The following FRMD5 variants were observed in gnomAD, a reference collection of about 807,000 sequenced individuals.
FRMD5 encodes the protein FERM domain containing 5.
In FRMD5, 20 loss-of-function variants were observed where a neutral mutation model predicts 69.0. The observed-to-expected ratio is 0.29, with a 90% CI of 0.20 to 0.42. The LOEUF (loss-of-function observed/expected upper bound fraction) is 0.42, where lower values mean the gene tolerates loss of function less well. Ranked by LOEUF, FRMD5 falls within the 10% of genes least tolerant of loss-of-function variation. The pLI is 1.00. For missense variants in FRMD5, 595 were observed against 708.6 expected, an observed-to-expected ratio of 0.84 and a Z score of 1.82; for synonymous variants, 271 against 260.1, an observed-to-expected ratio of 1.04 and a Z score of -0.40.
intron 1 of FRMD5, chr15:43,989,699 G>A: frequency 6.0e-6 from 6 of 998,948 alleles, no homozygotes; most frequent in Non-Finnish European, 8.0e-6. Flanking sequence ...GATGGGCACA[G>A]TGTGGGTGAC....
At chr15:43,913,313 G>A (rs886877342) in intron 4 of FRMD5, among the ~76,000 whole-genome samples, 2 of 152,196 alleles carry the variant, frequency 1.3e-5, no homozygotes, top group African/African-American at 4.8e-5. Context: ...AAACTAGATG[G>A]GAAGAGGGAA....
chr15:44,018,442 A>T (rs1891066776), intron 1 of FRMD5, among the ~76,000 whole-genome samples: 1 of 152,220 alleles, frequency 6.6e-6, no homozygotes, highest in African/African-American at 2.4e-5. Context: ...AAGTTTGGGC[A>T]TGTGAGTAAT....
At chr15:44,028,534 C>T (rs1465399262) in intron 1 of FRMD5, among the ~76,000 whole-genome samples, 2 of 152,206 alleles carry the variant, frequency 1.3e-5, no homozygotes, top group Non-Finnish European at 2.9e-5. Flanking sequence ...AGCGTTGTAG[C>T]AGGTCTGGTA....
At chr15:44,181,659 T>C (rs1256306939) in intron 1 of FRMD5, among the ~76,000 whole-genome samples, 1 of 152,154 alleles carries the variant, frequency 6.6e-6, no homozygotes, top group East Asian at 1.9e-4. Context: ...CCCAGCACTT[T>C]GGGATGTTGA....
intron 1 of FRMD5, among the ~76,000 whole-genome samples, chr15:44,120,075 T>C (rs967953727): frequency 3.9e-5 from 6 of 152,158 alleles, no homozygotes; most frequent in African/African-American, 1.4e-4. Context: ...TCAGGGAATG[T>C]CAAGACATAC....
chr15:44,155,467 C>G (rs2077512339), intron 1 of FRMD5, among the ~76,000 whole-genome samples: 2 of 151,872 alleles, frequency 1.3e-5, no homozygotes, highest in Admixed American at 1.3e-4. Flanking sequence ...TATAGTCACT[C>G]TGGAAACTTA....
chr15:44,108,065 G>C (rs1231549277), intron 1 of FRMD5, among the ~76,000 whole-genome samples: 1 of 152,150 alleles, frequency 6.6e-6, no homozygotes, highest in Non-Finnish European at 1.5e-5. Context: ...CCCTCATACA[G>C]TTTTTGTATA....
chr15:44,051,305 C>T (rs1370849611), intron 1 of FRMD5, among the ~76,000 whole-genome samples: 1 of 149,474 alleles, frequency 6.7e-6, no homozygotes, highest in Non-Finnish European at 1.5e-5. Context: ...GCACCCATGA[C>T]CACACTGGGC....
rs539681624 is a variant in FRMD5, at chr15:43,970,276, A to T, written c.103-45967T>A. ...ATTTCTTGACAATTTACTCTTGTTA[A>T]CTGCTCTGCACTTCTATTCTTTGTC... On this transcript the variant is annotated intron_variant, in intron 1 of 13. Transcript: ENST00000417257. Among the ~76,000 whole-genome samples, 46 of 152,294 alleles carry T rather than the reference A, an allele frequency of 3.0e-4. No individual in the cohort carries two copies. The South Asian group carries it at 9.5e-3, about 32-fold the overall frequency.
chr15:43,907,680 G>C (rs2089205885), intron 5 of FRMD5, among the ~76,000 whole-genome samples: 2 of 152,242 alleles, frequency 1.3e-5, no homozygotes, highest in Non-Finnish European at 2.9e-5. Context: ...GCTAATTTTT[G>C]TATTTTTAGG....
At chr15:44,152,414 T>C (rs1013946241) in intron 1 of FRMD5, among the ~76,000 whole-genome samples, 4 of 152,260 alleles carry the variant, frequency 2.6e-5, no homozygotes, top group Non-Finnish European at 5.9e-5. Flanking sequence ...AATTTGTTTA[T>C]TCATAATCCT....
chr15:43,901,914 T>C (rs563619816), intron 7 of FRMD5: 1 of 442,798 alleles, frequency 2.3e-6, no homozygotes, highest in African/African-American at 2.0e-5. Flanking sequence ...TCTACCAAAT[T>C]ACCCATTGCG....
chr15:44,039,889 G>A (rs1296038053), intron 1 of FRMD5, among the ~76,000 whole-genome samples: 1 of 152,032 alleles, frequency 6.6e-6, no homozygotes, highest in Non-Finnish European at 1.5e-5. Flanking sequence ...AACTAAAGGA[G>A]CATGTTCTAA....
intron 1 of FRMD5, among the ~76,000 whole-genome samples, chr15:44,018,235 A>C (rs918613690): frequency 1.3e-5 from 2 of 152,220 alleles, no homozygotes; most frequent in Admixed American, 1.3e-4. Context: ...ACTTTTGACG[A>C]AAGTTAATAT....
chr15:44,053,535 C>A (rs556937156), intron 1 of FRMD5, among the ~76,000 whole-genome samples: 1 of 152,128 alleles, frequency 6.6e-6, no homozygotes, highest in Admixed American at 6.5e-5. Context: ...TGGAGAAAAG[C>A]AGACAGATTT....
chr15:44,187,611 A>G (rs558958704), intron 1 of FRMD5, among the ~76,000 whole-genome samples: 1 of 150,562 alleles, frequency 6.6e-6, no homozygotes, highest in African/African-American at 2.5e-5. Flanking sequence ...TCTGTAGCCC[A>G]GGCTGGAGTA....
intron 1 of FRMD5, among the ~76,000 whole-genome samples, chr15:44,045,580 T>C (rs1223827906): frequency 1.3e-5 from 2 of 152,134 alleles, no homozygotes; most frequent in Non-Finnish European, 2.9e-5. Context: ...ACATGGAAGA[T>C]CAGATGATTT....
chr15:43,881,404 G>C (rs529901622), intron 13 of FRMD5, among the ~76,000 whole-genome samples: 1 of 152,324 alleles, frequency 6.6e-6, no homozygotes, highest in Non-Finnish European at 1.5e-5. Context: ...CCTAAGATGG[G>C]AGGAAACACC....
intron 6 of FRMD5, among the ~76,000 whole-genome samples, chr15:43,905,134 CCTTT>C (rs1330147502): frequency 2.7e-5 from 4 of 149,180 alleles, no homozygotes; most frequent in Admixed American, 6.6e-5. Context: ...CTCAACCTCT[CCTTT>C]TTTTTTTTTT....
Sources: allele counts gnomAD v4.1 joint callset (sites outside exome capture counted in the v4.1 genomes callset), GRCh38; gene constraint gnomAD v4.1.1; transcripts MANE v1.5; gene names NCBI Gene and HGNC (gene_info 2026-07-23, HGNC 2026-07-21).